The following CNTNAP2 variants were observed in gnomAD, a reference collection of about 807,000 sequenced individuals.
The protein encoded by CNTNAP2 is contactin-associated protein-like 2.
In CNTNAP2, 98 loss-of-function variants were observed where a neutral mutation model predicts 155.2. The observed-to-expected ratio is 0.63, with a 90% CI of 0.54 to 0.75. The LOEUF (loss-of-function observed/expected upper bound fraction) is 0.75, where lower values mean the gene tolerates loss of function less well. CNTNAP2 is among the 30% of genes least tolerant of loss of function. CNTNAP2 has a pLI of 0.00. For missense variants in CNTNAP2, 1,727 were observed against 1,688.1 expected (o/e 1.02, Z -0.40); for synonymous variants, 651 against 631.2 (o/e 1.03, Z -0.47).
chr7:146,608,990 A>G (rs937163040), intron 1 of CNTNAP2, among the ~76,000 whole-genome samples: 9 of 152,186 alleles, frequency 5.9e-5, no homozygotes, highest in Admixed American at 2.0e-4. Context: ...ACAGAAATCC[A>G]GCCATACTAA....
chr7:147,608,685 A>G (rs1801121167), intron 12 of CNTNAP2, among the ~76,000 whole-genome samples: 1 of 152,178 alleles, frequency 6.6e-6, no homozygotes, highest in African/African-American at 2.4e-5. Context: ...AAATGAAGAA[A>G]GGGTTAAGGA....
intron 8 of CNTNAP2, among the ~76,000 whole-genome samples, chr7:147,294,739 A>C (rs1350202002): frequency 6.6e-6 from 1 of 151,676 alleles, no homozygotes; most frequent in Non-Finnish European, 1.5e-5. Context: ...GCTTGCTGCA[A>C]CCTCCACATC....
At position 147,273,992 on chromosome 7, in the gene CNTNAP2, TATATTAC is replaced by T. The variant is rs563766352; in HGVS notation, c.1349-26137_1349-26131del. Reference sequence around the variant, plus strand: ...TATATTACATGTATGTTATGTAGTATATATTACATATTACATATATACACACATATAT... The same window carrying T: ...TATATTACATGTATGTTATGTAGTATATATTACATATATACACACATATAT... On this transcript the variant is annotated intron_variant, in intron 8 of 23. Transcript: ENST00000361727. Among the ~76,000 whole-genome samples, 428 of 148,194 alleles carry T rather than the reference TATATTAC, an allele frequency of 2.9e-3. 1 individual carries two copies. The highest frequency in any genetic ancestry group is 9.4e-3 in the African/African-American group (377 of 40,182).
intron 13 of CNTNAP2, among the ~76,000 whole-genome samples, chr7:147,880,869 G>GTGTA (rs1799508276): frequency 9.7e-6 from 1 of 102,792 alleles, no homozygotes; most frequent in Admixed American, 1.0e-4. Flanking sequence ...GTGTGTGTGT[G>GTGTA]TGTGTGTGTG....
At chr7:146,915,081 T>C (rs1021392218) in intron 3 of CNTNAP2, among the ~76,000 whole-genome samples, 1 of 152,176 alleles carries the variant, frequency 6.6e-6, no homozygotes, top group African/African-American at 2.4e-5. Flanking sequence ...GGGTATACTT[T>C]CCCCACTTTA....
intron 15 of CNTNAP2, among the ~76,000 whole-genome samples, chr7:148,020,268 G>A (rs564751189): frequency 6.6e-6 from 1 of 152,302 alleles, no homozygotes; most frequent in Admixed American, 6.5e-5. Flanking sequence ...GCACTAGCAT[G>A]CTAAAACAAG....
At chr7:147,671,358 A>G (rs1344700075) in intron 13 of CNTNAP2, among the ~76,000 whole-genome samples, 1 of 152,194 alleles carries the variant, frequency 6.6e-6, no homozygotes, top group East Asian at 1.9e-4. Context: ...GACCGGACAC[A>G]GGCTGAACTG....
chr7:146,720,941 C>CTATATATA (rs1801278750), intron 1 of CNTNAP2, among the ~76,000 whole-genome samples: 1 of 126,002 alleles, frequency 7.9e-6, no homozygotes, highest in Admixed American at 7.8e-5. Context: ...TATATACTTT[C>CTATATATA]TCTATATATT....
At chr7:146,582,613 C>A (rs1355498620) in intron 1 of CNTNAP2, among the ~76,000 whole-genome samples, 3 of 152,064 alleles carry the variant, frequency 2.0e-5, no homozygotes, top group Non-Finnish European at 2.9e-5. Context: ...TTCACATGGA[C>A]AACTCTAGAA....
chr7:148,220,279 A>C (rs1429427921), intron 19 of CNTNAP2, among the ~76,000 whole-genome samples: 1 of 151,902 alleles, frequency 6.6e-6, no homozygotes, highest in East Asian at 1.9e-4. Flanking sequence ...ATTTTTTGTA[A>C]TTTTAGTAGA....
At chr7:146,368,451 T>G (rs1795185618) in intron 1 of CNTNAP2, among the ~76,000 whole-genome samples, 1 of 152,146 alleles carries the variant, frequency 6.6e-6, no homozygotes, top group Non-Finnish European at 1.5e-5. Context: ...TATGGTTTGG[T>G]ACCACAAGGT....
chr7:146,161,531 G>A (rs987503664), intron 1 of CNTNAP2, among the ~76,000 whole-genome samples: 3 of 152,082 alleles, frequency 2.0e-5, no homozygotes, highest in African/African-American at 7.2e-5. Context: ...ACAAATTGAA[G>A]AACATTTCAT....
At chr7:148,197,415 T>C (rs910381595) in intron 18 of CNTNAP2, among the ~76,000 whole-genome samples, 4 of 152,186 alleles carry the variant, frequency 2.6e-5, no homozygotes, top group Admixed American at 6.5e-5. Context: ...TTAGAAAGCC[T>C]GCAGCAGTAC....
intron 21 of CNTNAP2, among the ~76,000 whole-genome samples, chr7:148,336,364 G>A (rs1176546777): frequency 1.4e-4 from 22 of 151,942 alleles, no homozygotes; most frequent in Admixed American, 1.4e-3. Flanking sequence ...AAAAAAGGAG[G>A]AAGGCTGAAA....
intron 15 of CNTNAP2, among the ~76,000 whole-genome samples, chr7:147,987,062 C>A: frequency 6.6e-6 from 1 of 152,094 alleles, no homozygotes; most frequent in South Asian, 2.1e-4. Context: ...AACTGAGAAG[C>A]AGTAGTGGGT....
At position 147,248,943 on chromosome 7, in the gene CNTNAP2, A is replaced by G. The variant is rs79339704; in HGVS notation, c.1349-51198A>G. 1.3e-3 allele frequency among the ~76,000 whole-genome samples: 194 copies of G among 152,282 alleles called. No individual in the cohort carries two copies. In the East Asian group the frequency reaches 0.026, roughly 20 times the overall value. On this transcript the variant is annotated intron_variant, in intron 8 of 23. Coordinates refer to ENST00000361727, the MANE Select transcript of CNTNAP2 (RefSeq NM_014141.6). ...AGCACAGGAATGTTACTTTGAATCA[A>G]TGCTGGCCTTAATGGTCCACTGATC...
At position 146,738,970 on chromosome 7, in the gene CNTNAP2, G is replaced by A. The variant is rs138947038; in HGVS notation, c.98-35301G>A. 1.5e-3 allele frequency among the ~76,000 whole-genome samples: 230 copies of A among 150,580 alleles called. 2 individuals are homozygous for A. Among genetic ancestry groups the A allele is most frequent in the African/African-American group, 5.2e-3 (214 of 41,078 alleles). ...GTCTTTGATGATCCTTTGTATTTCT[G>A]TTGCATCAGTTATAACGTCTCGTCT... On this transcript the variant is annotated intron_variant, in intron 1 of 23. Coordinates refer to ENST00000361727, the MANE Select transcript of CNTNAP2 (RefSeq NM_014141.6).
chr7:147,348,523 G>C (rs1795916588), intron 9 of CNTNAP2, among the ~76,000 whole-genome samples: 1 of 151,920 alleles, frequency 6.6e-6, no homozygotes, highest in South Asian at 2.1e-4. Context: ...AAGAGAAAAG[G>C]GAACTCTTAT....
At chr7:146,957,088 G>A (rs1266944344) in intron 3 of CNTNAP2, among the ~76,000 whole-genome samples, 1 of 152,038 alleles carries the variant, frequency 6.6e-6, no homozygotes, top group African/African-American at 2.4e-5. Context: ...TTGTCATAGT[G>A]TAAATATCAC....
Sources: gnomAD v4.1 joint callset for allele counts (sites outside exome capture counted in the v4.1 genomes callset) on GRCh38, gnomAD v4.1.1 for gene constraint, MANE v1.5 for transcripts, NCBI Gene and HGNC (gene_info 2026-07-23, HGNC 2026-07-21) for gene names.